MALRD1: variants seen among roughly 807,000 people sequenced by gnomAD.
MALRD1 encodes the protein MAM and LDL receptor class A domain containing 1, also known as MAM and LDL-receptor class A domain-containing protein 1.
Under a neutral mutation model 242.1 loss-of-function variants are expected in MALRD1, and 247 were observed. The observed-to-expected ratio is 1.02, with a 90% CI of 0.92 to 1.13. The LOEUF is 1.13. MALRD1 is among the 50% of genes most tolerant of loss of function. The pLI, the probability that MALRD1 is intolerant of heterozygous loss-of-function variation, is 0.00. For synonymous variants in MALRD1, 995 were observed against 866.6 expected (o/e 1.15, Z -2.60); for missense variants, 2,989 against 2,533.1 (o/e 1.18, Z -3.86).
At chr10:19,711,468 T>C (rs1834111145) in intron 38 of MALRD1, among the ~76,000 whole-genome samples, 1 of 152,180 alleles carries the variant, frequency 6.6e-6, no homozygotes, top group South Asian at 2.1e-4. Context: ...ATAATCTCAA[T>C]ACTGCAATAA....
intron 31 of MALRD1, among the ~76,000 whole-genome samples, chr10:19,504,550 C>A (rs12260183): frequency 1.3e-5 from 2 of 151,794 alleles, no homozygotes; most frequent in Non-Finnish European, 2.9e-5. Context: ...CCACTTTGAT[C>A]TTACTCATAT....
At chr10:19,316,837 A>T (rs1485924228) in intron 21 of MALRD1, among the ~76,000 whole-genome samples, 1 of 151,844 alleles carries the variant, frequency 6.6e-6, no homozygotes, top group East Asian at 1.9e-4. Context: ...AAATAGAATG[A>T]TTAAGACTTA....
intron 36 of MALRD1, among the ~76,000 whole-genome samples, chr10:19,685,080 T>C (rs1021706064): frequency 2.0e-5 from 3 of 152,204 alleles, no homozygotes; most frequent in Non-Finnish European, 4.4e-5. Context: ...AGTATACATA[T>C]ATAAACACTT....
At chr10:19,339,283 C>T (rs1373815604) in intron 24 of MALRD1, among the ~76,000 whole-genome samples, 2 of 152,042 alleles carry the variant, frequency 1.3e-5, no homozygotes, top group Non-Finnish European at 2.9e-5. Context: ...AATTTCTGAC[C>T]TCTCTCCTTG....
intron 19 of MALRD1, among the ~76,000 whole-genome samples, chr10:19,275,584 G>A (rs1399443957): frequency 2.6e-5 from 4 of 152,146 alleles, no homozygotes; most frequent in African/African-American, 4.8e-5. Context: ...CAGGAGAATG[G>A]TGTGAACCCG....
intron 31 of MALRD1, among the ~76,000 whole-genome samples, chr10:19,510,642 A>C (rs1833358479): frequency 1.3e-5 from 2 of 152,244 alleles, no homozygotes; most frequent in African/African-American, 2.4e-5. Flanking sequence ...GGGTAGGGTT[A>C]CAGATTAACA....
intron 33 of MALRD1, among the ~76,000 whole-genome samples, chr10:19,568,080 C>G (rs1249472412): frequency 6.6e-6 from 1 of 152,146 alleles, no homozygotes; most frequent in African/African-American, 2.4e-5. Context: ...AAGCTTTTCC[C>G]TTCCCCAGGC....
At chr10:19,106,248 G>A (rs1412508602) in intron 5 of MALRD1, among the ~76,000 whole-genome samples, 1 of 151,646 alleles carries the variant, frequency 6.6e-6, no homozygotes, top group Admixed American at 6.6e-5. Flanking sequence ...ATGAGTGAGA[G>A]GTTGTTAGTT....
intron 36 of MALRD1, among the ~76,000 whole-genome samples, chr10:19,656,058 T>A (rs1471174216): frequency 6.6e-6 from 1 of 152,082 alleles, no homozygotes; most frequent in East Asian, 1.9e-4. Context: ...ATTAAATGAG[T>A]GAATATTGGT....
intron 28 of MALRD1, among the ~76,000 whole-genome samples, chr10:19,442,667 G>A (rs1056773203): frequency 7.2e-5 from 11 of 152,162 alleles, no homozygotes; most frequent in African/African-American, 2.7e-4. Flanking sequence ...CAGGGATGAA[G>A]CCCACTTGAT....
chr10:19,365,297 G>T (rs529206477), intron 26 of MALRD1, among the ~76,000 whole-genome samples: 3 of 152,058 alleles, frequency 2.0e-5, no homozygotes, highest in Non-Finnish European at 2.9e-5. Context: ...TTTTAGTGAT[G>T]ATTTTTTTTG....
chr10:19,235,578 C>CAGAGAGAGAG (rs34117417), intron 18 of MALRD1, among the ~76,000 whole-genome samples: 23,142 of 131,854 alleles, frequency 0.18, 2,186 homozygotes, highest in South Asian at 0.29. Flanking sequence ...CCCACACCCA[C>CAGAGAGAGAG]AGAGAGAGAG....
At chr10:19,142,587 CTG>C (rs1833588430) in intron 10 of MALRD1, among the ~76,000 whole-genome samples, 1 of 152,172 alleles carries the variant, frequency 6.6e-6, no homozygotes, top group Non-Finnish European at 1.5e-5. Context: ...TTCTCTAAAA[CTG>C]TGAACAGCGC....
At chr10:19,211,586 G>T (rs1310470791) in intron 18 of MALRD1, among the ~76,000 whole-genome samples, 4 of 147,780 alleles carry the variant, frequency 2.7e-5, no homozygotes, top group South Asian at 2.1e-4. Context: ...ACTTGGGAGG[G>T]TGAGGCAGGA....
intron 28 of MALRD1, among the ~76,000 whole-genome samples, chr10:19,423,440 C>G (rs943993825): frequency 6.6e-6 from 1 of 151,784 alleles, no homozygotes; most frequent in Non-Finnish European, 1.5e-5. Context: ...TAATCTGGTA[C>G]AAAAATGCCC....
chr10:19,626,956 G>A (rs1839681368), intron 36 of MALRD1, among the ~76,000 whole-genome samples: 1 of 152,056 alleles, frequency 6.6e-6, no homozygotes. Flanking sequence ...AATACAGCTT[G>A]CTATAAAGTC....
intron 18 of MALRD1, among the ~76,000 whole-genome samples, chr10:19,214,055 A>G (rs1588706849): frequency 6.6e-6 from 1 of 152,162 alleles, no homozygotes; most frequent in African/African-American, 2.4e-5. Context: ...CCCCAACCAT[A>G]GGTACTTTTC....
chr10:19,347,862 C>T lies in MALRD1; in HGVS notation c.3993C>T (p.Ser1331=). The change falls in exon 25 of 40, where the codon AGC becomes AGT. Residue 1331 remains serine (S), a synonymous_variant. Coordinates refer to ENST00000454679, the MANE Select transcript of MALRD1 (RefSeq NM_001142308.3). ...DEDFDWNLKA[S]SIPAAGTEPA... Reference sequence around the variant, plus strand: ...ACTTTGACTGGAACCTGAAAGCTAGCAGCATCCCTGCAGCAGGCACAGAGC... The same window carrying T: ...ACTTTGACTGGAACCTGAAAGCTAGTAGCATCCCTGCAGCAGGCACAGAGC... The T allele has an allele frequency of 1.3e-6, 2 of 1,550,398 alleles. No homozygotes were observed. Among genetic ancestry groups the T allele is most frequent in the South Asian group, 1.2e-5 (1 of 84,052 alleles).
chr10:19,171,979 ATCATATAATATAT>A lies in MALRD1; in HGVS notation c.1831-3228_1831-3216del, dbSNP rs1483751294. On this transcript the variant is annotated intron_variant, in intron 13 of 39. Coordinates refer to ENST00000454679, the MANE Select transcript of MALRD1 (RefSeq NM_001142308.3). Reference sequence around the variant, plus strand: ...TATATATCACATATATGTGATATATATCATATAATATATGTATATATCACATATATGTGATATA... The same window carrying A: ...TATATATCACATATATGTGATATATAGTATATATCACATATATGTGATATA... Among the ~76,000 whole-genome samples the A allele has an allele frequency of 2.7e-3, 28 of 10,242 alleles. 1 individual carries two copies. The highest frequency in any genetic ancestry group is 0.023 in the African/African-American group (27 of 1,186). 6.7% of individuals were successfully genotyped at this position (10,242 alleles called of 152,430 possible).
Sources: allele counts gnomAD v4.1 joint callset (sites outside exome capture counted in the v4.1 genomes callset), GRCh38; gene constraint gnomAD v4.1.1; transcripts MANE v1.5; gene names NCBI Gene and HGNC (gene_info 2026-07-23, HGNC 2026-07-21).